Variants in PI4KA observed in about 807,000 individuals in gnomAD.
The protein encoded by PI4KA is phosphatidylinositol 4-kinase alpha.
In PI4KA, 122 loss-of-function variants were observed where a neutral mutation model predicts 271.4. The observed-to-expected ratio is 0.45, with a 90% confidence interval of 0.39 to 0.52. PI4KA has a LOEUF of 0.52. Ranked by LOEUF, PI4KA falls within the 20% of genes least tolerant of loss-of-function variation. The probability of loss-of-function intolerance (pLI) is 0.00; values close to 1 mark genes in which losing one functional copy is unlikely to be tolerated. For missense variants in PI4KA, 1,969 were observed against 2,769.1 expected (o/e 0.71, Z 6.48); for synonymous variants, 1,041 against 1,078.8 (o/e 0.96, Z 0.69).
intron 28 of PI4KA, 145 bp downstream of exon 28, chr22:20,749,760 T>G: frequency 1.9e-5 from 12 of 618,248 alleles, no homozygotes; most frequent in East Asian, 5.7e-5. Flanking sequence ...CTCTGAGGCA[T>G]CTATTATTCT....
chr22:20,852,865 T>C (rs1417056225), intron 1 of PI4KA, among the ~76,000 whole-genome samples: 2 of 152,116 alleles, frequency 1.3e-5, no homozygotes, highest in South Asian at 2.1e-4. Context: ...AACTACAGAT[T>C]AGAATTAACT....
chr22:20,756,630 T>G (rs1335893752), intron 23 of PI4KA, among the ~76,000 whole-genome samples: 1 of 143,150 alleles, frequency 7.0e-6, no homozygotes, highest in Non-Finnish European at 1.5e-5. Flanking sequence ...CTAAGGAGAT[T>G]AAAAAAAATT....
At chr22:20,838,037 C>G (rs1177278589) in intron 2 of PI4KA, among the ~76,000 whole-genome samples, 2 of 151,688 alleles carry the variant, frequency 1.3e-5, no homozygotes, top group East Asian at 3.9e-4. Context: ...AGGAGAATCA[C>G]TTGAACCCTG....
At chr22:20,844,599 A>C (rs907646558) in intron 1 of PI4KA, among the ~76,000 whole-genome samples, 1 of 152,240 alleles carries the variant, frequency 6.6e-6, no homozygotes, top group Admixed American at 6.5e-5. Flanking sequence ...GAAAGCCTGG[A>C]GCAAAATGCT....
rs776705657 is a variant in PI4KA at position 20,727,217 on chromosome 22, G to A, written c.4941+13C>T. The A allele has an allele frequency of 6.2e-7, 1 of 1,609,980 alleles. No homozygotes were observed. The highest frequency in any genetic ancestry group is 1.1e-5 in the South Asian group (1 of 90,780). On this transcript the variant is annotated intron_variant, in intron 41 of 54. Transcript: ENST00000255882. ...TCCTACCAGAGGCCAGCTCAGCAGG[G>A]CCCTGGGCTCACCGGAGGGAAGGAC... is the stretch of plus-strand genomic sequence containing the variant.
chr22:20,708,701 C>T (rs1311740253), intron 54 of PI4KA, among the ~76,000 whole-genome samples: 8 of 115,302 alleles, frequency 6.9e-5, no homozygotes, highest in African/African-American at 3.0e-4. Flanking sequence ...CCTTACCAAC[C>T]CCACATGTTT....
chr22:20,784,225 G>C (rs1381657539), intron 19 of PI4KA: 1 of 1,613,990 alleles, frequency 6.2e-7, no homozygotes, highest in Non-Finnish European at 8.5e-7. Context: ...TGGAGAGATG[G>C]CAAAAAAGCA....
chr22:20,744,762 T>C (rs1929868500), intron 29 of PI4KA, 42 bp from the exon 30 acceptor site: 1 of 1,506,174 alleles, frequency 6.6e-7, no homozygotes, highest in African/African-American at 1.4e-5. Flanking sequence ...GGCAGCACTA[T>C]CCTTTCCTCG....
intron 48 of PI4KA, 194 bp downstream of exon 48, chr22:20,713,087 G>C (rs544184947): frequency 2.3e-5 from 16 of 697,310 alleles, no homozygotes; most frequent in Non-Finnish European, 3.4e-5. Flanking sequence ...GCATGGCGGG[G>C]ACAGTGGGAA....
chr22:20,744,122 G>A (rs1929785986), intron 30 of PI4KA, among the ~76,000 whole-genome samples: 1 of 152,136 alleles, frequency 6.6e-6, no homozygotes. Context: ...TATGGAGCAG[G>A]AAATGGAGGC....
intron 5 of PI4KA, 72 bp from the exon 6 acceptor site, chr22:20,819,972 G>T: frequency 7.6e-7 from 1 of 1,312,980 alleles, no homozygotes; most frequent in Non-Finnish European, 1.1e-6. Context: ...GTACTAACTT[G>T]TAACATTGAC....
At chr22:20,846,263 C>CAAAAA (rs361641) in intron 1 of PI4KA, among the ~76,000 whole-genome samples, 88 of 81,358 alleles carry the variant, frequency 1.1e-3, no homozygotes, top group Non-Finnish European at 1.4e-3. Flanking sequence ...GACTCTATCT[C>CAAAAA]AAAAAAAAAA....
chr22:20,804,382 A>T lies in PI4KA; in HGVS notation c.1379T>A (p.Ile460Asn). Residue 460 changes from isoleucine to asparagine, a missense_variant, in exon 12 of 55, where the codon ATC (isoleucine) becomes AAC (asparagine). Ile to Asn is a moderately radical substitution (Grantham distance 149, BLOSUM62 -3). This residue lies in a region of PI4KA where 14 missense variants were observed against 34.0 expected (regional missense o/e 0.41). Coordinates refer to ENST00000255882, the MANE Select transcript of PI4KA (RefSeq NM_058004.4). ...GGACTGCAGCTTCTCAGATAGCTTGATGCAAAGGTTTTCTGCACCTTAATT... is the reference window on the plus strand; with the variant it reads ...GGACTGCAGCTTCTCAGATAGCTTGTTGCAAAGGTTTTCTGCACCTTAATT... ...KDEQGAENLC[I>N]KLSEKLQSKT... The T allele has an allele frequency of 6.2e-7, 1 of 1,613,772 alleles. No homozygotes were observed.
At chr22:20,750,094 T>C (rs1296173278) in intron 27 of PI4KA, 100 bp from the exon 28 acceptor site, 11 of 757,740 alleles carry the variant, frequency 1.5e-5, no homozygotes, top group Non-Finnish European at 2.6e-5. Context: ...CAAATCCCTA[T>C]GCTGCGCCTT....
chr22:20,835,727 GTC>G (rs1200260300), intron 2 of PI4KA, among the ~76,000 whole-genome samples: 3 of 149,732 alleles, frequency 2.0e-5, no homozygotes. Context: ...GTGAAATCCT[GTC>G]TCGAAAAAAA....
intron 42 of PI4KA, among the ~76,000 whole-genome samples, chr22:20,722,500 T>C (rs1033545445): frequency 6.6e-6 from 1 of 152,172 alleles, no homozygotes; most frequent in Non-Finnish European, 1.5e-5. Flanking sequence ...AAGTTCTTTA[T>C]AGCAGTGTGA....
At chr22:20,780,872 T>C (rs1933747432) in intron 19 of PI4KA, among the ~76,000 whole-genome samples, 1 of 150,518 alleles carries the variant, frequency 6.6e-6, no homozygotes, top group Non-Finnish European at 1.5e-5. Flanking sequence ...ACCCTAGCAA[T>C]CTGTTAAATT....
rs373125956 is a variant in PI4KA at position 20,786,904 on chromosome 22, C to T, written c.2328+6289G>A. 195 of 1,614,124 alleles carry T rather than the reference C, an allele frequency of 1.2e-4. 1 individual carries two copies. In the South Asian group the frequency reaches 1.7e-3, roughly 14 times the overall value. ...AGCACCAAGGCACGATCACAGTGAA[C>T]GAGGAAGGCACCCAAGCCACCACTG... On this transcript the variant is annotated intron_variant, in intron 19 of 54. Coordinates refer to ENST00000255882, the MANE Select transcript of PI4KA (RefSeq NM_058004.4).
intron 19 of PI4KA, among the ~76,000 whole-genome samples, chr22:20,780,527 G>A (rs1933689171): frequency 6.6e-6 from 1 of 152,136 alleles, no homozygotes; most frequent in Non-Finnish European, 1.5e-5. Context: ...CAGCACTTTG[G>A]GAGGCCGAGG....
Sources: allele counts gnomAD v4.1 joint callset (sites outside exome capture counted in the v4.1 genomes callset), GRCh38; gene constraint gnomAD v4.1.1; regional missense constraint gnomAD v4.1.1; transcripts MANE v1.5; gene names NCBI Gene and HGNC (gene_info 2026-07-23, HGNC 2026-07-21).